Variants in SENP7 observed in about 807,000 individuals in gnomAD.
SENP7 encodes the protein SUMO specific peptidase 7.
Under a neutral mutation model 141.2 loss-of-function variants are expected in SENP7, and 64 were observed. The ratio of observed to expected loss-of-function variants is 0.45; its 90% CI spans 0.37 to 0.56. The LOEUF (loss-of-function observed/expected upper bound fraction) is 0.56. SENP7 is among the 20% of genes least tolerant of loss of function. The pLI is 0.00. For synonymous variants in SENP7, 382 were observed against 426.4 expected, an observed-to-expected ratio of 0.90 and a Z score of 1.28; for missense variants, 1,025 against 1,212.2, an observed-to-expected ratio of 0.85 and a Z score of 2.29.
In SENP7 at chr3:101,383,401, G is replaced by C. The variant is rs151123371; in HGVS notation, c.678-11275C>G. 5.8e-3 allele frequency among the ~76,000 whole-genome samples: 879 copies of C among 152,304 alleles called. 6 individuals are homozygous for C. The highest frequency in any genetic ancestry group is 0.02 in the African/African-American group (845 of 41,562). On this transcript the variant is annotated intron_variant, in intron 6 of 23. Transcript: ENST00000394095. ...ACAGAGCTGGTGGGAGCTGGGAACA[G>C]GCAGAAGCCCCACCCTCCTTCCAAG...
chr3:101,359,648 A>T (rs1242689133), intron 11 of SENP7, among the ~76,000 whole-genome samples: 4 of 151,736 alleles, frequency 2.6e-5, no homozygotes, highest in African/African-American at 9.7e-5. Flanking sequence ...CAACCCAAAT[A>T]TCCCAAAATA....
intron 2 of SENP7, among the ~76,000 whole-genome samples, chr3:101,497,069 A>G (rs555192099): frequency 6.6e-6 from 1 of 152,364 alleles, no homozygotes; most frequent in Non-Finnish European, 1.5e-5. Flanking sequence ...ACACAACTTT[A>G]TATATAAATT....
chr3:101,421,974 A>G (rs950815043), intron 4 of SENP7, among the ~76,000 whole-genome samples: 1 of 152,198 alleles, frequency 6.6e-6, no homozygotes, highest in Non-Finnish European at 1.5e-5. Flanking sequence ...TCGTTAAAGC[A>G]GGGGTCCCCA....
At chr3:101,367,232 T>G (rs1420920115) in intron 8 of SENP7, among the ~76,000 whole-genome samples, 1 of 152,180 alleles carries the variant, frequency 6.6e-6, no homozygotes, top group African/African-American at 2.4e-5. Flanking sequence ...ATCTGAATCA[T>G]GTTTATAATT....
intron 5 of SENP7, chr3:101,414,750 G>C: frequency 1.6e-6 from 1 of 625,774 alleles, no homozygotes; most frequent in South Asian, 2.1e-5. Context: ...ATGGCCACAA[G>C]TGTAATGCAT....
At chr3:101,396,628 C>T (rs2060975788) in intron 6 of SENP7, among the ~76,000 whole-genome samples, 1 of 152,096 alleles carries the variant, frequency 6.6e-6, no homozygotes, top group African/African-American at 2.4e-5. Flanking sequence ...AAAATTACTT[C>T]TCTGTTTACA....
At chr3:101,470,990 T>C (rs891012099) in intron 3 of SENP7, among the ~76,000 whole-genome samples, 1 of 151,966 alleles carries the variant, frequency 6.6e-6, no homozygotes, top group Non-Finnish European at 1.5e-5. Flanking sequence ...CACTGCTCAA[T>C]GAAATAAAAG....
intron 4 of SENP7, among the ~76,000 whole-genome samples, chr3:101,431,609 C>A (rs1387619664): frequency 6.8e-6 from 1 of 147,480 alleles, no homozygotes; most frequent in African/African-American, 2.5e-5. Context: ...CATGGTGAAA[C>A]CCTGTCTCGA....
At chr3:101,365,738 C>T (rs2060022209) in intron 9 of SENP7, among the ~76,000 whole-genome samples, 1 of 151,750 alleles carries the variant, frequency 6.6e-6, no homozygotes, top group East Asian at 1.9e-4. Context: ...AGAAACAGGC[C>T]TATCAGTTGT....
intron 18 of SENP7, 110 bp from the exon 19 acceptor site, chr3:101,332,219 G>A (rs2059076271): frequency 1.9e-6 from 2 of 1,050,662 alleles, no homozygotes; most frequent in Non-Finnish European, 1.3e-6. Flanking sequence ...TAATTTTGAA[G>A]ACATCCACTG....
intron 11 of SENP7, among the ~76,000 whole-genome samples, chr3:101,361,210 C>T (rs1308471176): frequency 7.9e-6 from 1 of 126,436 alleles, no homozygotes; most frequent in South Asian, 2.6e-4. Context: ...GAGACTCTGT[C>T]CGCCCCCCCA....
At chr3:101,433,979 T>TAG (rs113095803) in intron 4 of SENP7, among the ~76,000 whole-genome samples, 1 of 151,724 alleles carries the variant, frequency 6.6e-6, no homozygotes, top group Non-Finnish European at 1.5e-5. Flanking sequence ...AGCTGCAGAA[T>TAG]ACATTCTTTT....
At chr3:101,427,306 T>G (rs1478189884) in intron 4 of SENP7, among the ~76,000 whole-genome samples, 1 of 151,926 alleles carries the variant, frequency 6.6e-6, no homozygotes, top group South Asian at 2.1e-4. Context: ...CTGGGCAACA[T>G]GGCAAAACCC....
Position 101,444,443 on chromosome 3 carries a change from G to A in SENP7, c.284+14512C>T, listed in dbSNP as rs916507182. ...AGCTGATATAAAGACACATGCACAC[G>A]TATGTTTATTGCGGCATTATTCACA... On this transcript the variant is annotated intron_variant, in intron 4 of 23. Coordinates refer to ENST00000394095, the MANE Select transcript of SENP7 (RefSeq NM_020654.5). Among the ~76,000 whole-genome samples the A allele has an allele frequency of 9.9e-4, 150 of 151,946 alleles. 4 individuals carry two copies. Among genetic ancestry groups the A allele is most frequent in the Non-Finnish European group, 5.1e-4 (35 of 68,002 alleles).
rs58844573 is a variant in SENP7 at position 101,380,445 on chromosome 3, C to CCCCCCACA, written c.678-8320_678-8319insTGTGGGGG. 5.4e-5 allele frequency among the ~76,000 whole-genome samples: 7 copies of CCCCCCACA among 128,864 alleles called. 1 individual carries two copies. The highest frequency in any genetic ancestry group is 1.0e-4 in the Non-Finnish European group (6 of 60,218). The allele number at this position is 128,864 out of a possible 152,430, so 84.5% of individuals were successfully genotyped here. A position where few individuals can be genotyped will look rare whatever the true frequency, so the allele number is the denominator to read the frequency against. ...GTAAAGCAAACCACCGCCCCCCCCCCCACACACACACACAAAACAAAACAT... is the reference window on the plus strand; with the variant it reads ...GTAAAGCAAACCACCGCCCCCCCCCCCCCCCACACACACACACACACAAAACAAAACAT... On this transcript the variant is annotated intron_variant, in intron 6 of 23. Transcript: ENST00000394095.
intron 5 of SENP7, among the ~76,000 whole-genome samples, chr3:101,410,885 T>TAAAATAAAATAA (rs1559785247): frequency 6.6e-6 from 1 of 151,384 alleles, no homozygotes; most frequent in East Asian, 2.0e-4. Flanking sequence ...TAAAATAAAA[T>TAAAATAAAATAA]AAAAGAATTA....
At chr3:101,490,436 C>T (rs1267330659) in intron 3 of SENP7, among the ~76,000 whole-genome samples, 1 of 151,774 alleles carries the variant, frequency 6.6e-6, no homozygotes, top group East Asian at 1.9e-4. Context: ...ACTATGGAAA[C>T]AGAAATCAGA....
chr3:101,510,788 G>A (rs1215121689), intron 1 of SENP7, among the ~76,000 whole-genome samples: 2 of 146,536 alleles, frequency 1.4e-5, no homozygotes, highest in Non-Finnish European at 3.0e-5. Flanking sequence ...GGGAGGCAGG[G>A]GTGGTAGATT....
intron 4 of SENP7, among the ~76,000 whole-genome samples, chr3:101,432,450 A>T (rs934280872): frequency 1.1e-4 from 16 of 152,244 alleles, no homozygotes; most frequent in African/African-American, 3.9e-4. Context: ...AAACATAGGC[A>T]GTAGCCAGGG....
Sources: allele counts gnomAD v4.1 joint callset (sites outside exome capture counted in the v4.1 genomes callset), GRCh38; gene constraint gnomAD v4.1.1; transcripts MANE v1.5; gene names NCBI Gene and HGNC (gene_info 2026-07-23, HGNC 2026-07-21).